The following MB21D2 variants were observed in gnomAD, a reference collection of about 807,000 sequenced individuals.
MB21D2 encodes Mab-21 domain containing 2.
MB21D2 carries 9 observed loss-of-function variants against 33.3 expected under a neutral mutation model. The ratio of observed to expected loss-of-function variants is 0.27; its 90% CI spans 0.16 to 0.47. The LOEUF is 0.47. MB21D2 is among the 20% of genes least tolerant of loss of function. MB21D2 has a pLI of 0.99. For missense variants in MB21D2, 540 were observed against 624.6 expected (o/e 0.86, Z 1.44); for synonymous variants, 241 against 236.3 (o/e 1.02, Z -0.18).
intron 1 of MB21D2, among the ~76,000 whole-genome samples, chr3:192,853,960 C>A (rs1428413176): frequency 6.6e-6 from 1 of 152,206 alleles, no homozygotes; most frequent in Non-Finnish European, 1.5e-5. Context: ...GTTCTGACTG[C>A]TCCACAACCA....
intron 1 of MB21D2, among the ~76,000 whole-genome samples, chr3:192,823,490 CCAAAACTA>C (rs201273270): frequency 0.012 from 1,880 of 152,194 alleles, 32 homozygotes; most frequent in African/African-American, 0.042. Context: ...CCCATTTCTA[CCAAAACTA>C]CAAAAAATTA....
chr3:192,859,144 C>A (rs961086089), intron 1 of MB21D2, among the ~76,000 whole-genome samples: 9 of 152,108 alleles, frequency 5.9e-5, no homozygotes, highest in Non-Finnish European at 1.3e-4. Context: ...CTGATCCATC[C>A]CTGAGCAGTA....
At chr3:192,867,222 C>T (rs1376139139) in intron 1 of MB21D2, among the ~76,000 whole-genome samples, 3 of 152,112 alleles carry the variant, frequency 2.0e-5, no homozygotes, top group African/African-American at 7.2e-5. Context: ...GACCTCCACA[C>T]ACCTCCCAGG....
intron 1 of MB21D2, among the ~76,000 whole-genome samples, chr3:192,882,037 C>T (rs1713607627): frequency 6.6e-6 from 1 of 152,122 alleles, no homozygotes; most frequent in South Asian, 2.1e-4. Context: ...GACGGAATAG[C>T]CTCTGAACTC....
chr3:192,860,041 C>A (rs1002650682), intron 1 of MB21D2, among the ~76,000 whole-genome samples: 2 of 152,200 alleles, frequency 1.3e-5, no homozygotes, highest in Non-Finnish European at 2.9e-5. Context: ...CTCAGGAGAC[C>A]ACCCTGGTGT....
chr3:192,849,070 T>C (rs2108628463), intron 1 of MB21D2, among the ~76,000 whole-genome samples: 1 of 152,180 alleles, frequency 6.6e-6, no homozygotes, highest in East Asian at 1.9e-4. Flanking sequence ...GTTATGAGAT[T>C]CTCAATGGGG....
intron 1 of MB21D2, among the ~76,000 whole-genome samples, chr3:192,839,422 C>T (rs1230210734): frequency 1.3e-5 from 2 of 152,138 alleles, no homozygotes; most frequent in East Asian, 1.9e-4. Context: ...ACTGGATGGG[C>T]CCTGTAAAAT....
chr3:192,852,973 T>G (rs1712839552), intron 1 of MB21D2, among the ~76,000 whole-genome samples: 1 of 152,184 alleles, frequency 6.6e-6, no homozygotes, highest in Non-Finnish European at 1.5e-5. Context: ...TTCTGTTAGC[T>G]ACTTTTCTTT....
intron 1 of MB21D2, among the ~76,000 whole-genome samples, chr3:192,899,032 G>A (rs1714037248): frequency 6.6e-6 from 1 of 152,212 alleles, no homozygotes; most frequent in African/African-American, 2.4e-5. Flanking sequence ...GAGGCAACAG[G>A]AAAAAGAGCA....
Position 192,904,136 on chromosome 3 carries a change from G to A in MB21D2, c.211+13494C>T, listed in dbSNP as rs564437783. 3.9e-4 allele frequency among the ~76,000 whole-genome samples: 59 copies of A among 152,218 alleles called. 1 individual carries two copies. The South Asian group carries it at 7.0e-3, about 18-fold the overall frequency. On this transcript the variant is annotated intron_variant, in intron 1 of 1. Coordinates refer to ENST00000392452, the MANE Select transcript of MB21D2 (RefSeq NM_178496.4). ...TAAAACCACACCTGGAACACGGTTC[G>A]CAATATTTTAGTGTGGTTATTATTA...
intron 1 of MB21D2, among the ~76,000 whole-genome samples, chr3:192,812,099 G>A (rs1452638094): frequency 6.6e-6 from 1 of 151,984 alleles, no homozygotes; most frequent in Non-Finnish European, 1.5e-5. Context: ...TCAGGCTGGA[G>A]GGTAGTGGCA....
At chr3:192,880,933 T>C (rs1268507043) in intron 1 of MB21D2, among the ~76,000 whole-genome samples, 1 of 152,088 alleles carries the variant, frequency 6.6e-6, no homozygotes, top group African/African-American at 2.4e-5. Flanking sequence ...CAAGAAAATT[T>C]TGCTCTTCCC....
In MB21D2 at chr3:192,797,428, C is replaced by CT. The variant is rs1224554767; in HGVS notation, c.*957dup. 6.6e-6 allele frequency: 1 copy of CT among 152,586 alleles called. No homozygotes were observed. Among genetic ancestry groups the CT allele is most frequent in the Non-Finnish European group, 1.5e-5 (1 of 68,024 alleles). The allele number at this position is 152,586 out of a possible 1,614,324, so 9.5% of individuals were successfully genotyped here. On this transcript the variant is annotated 3_prime_UTR_variant, in exon 2 of 2. Transcript: ENST00000392452. ...GTCAACATGTATAAAGCTTTAACAA[C>CT]TTCTCTCAGTAAGACAGGAACCAGG...
intron 1 of MB21D2, among the ~76,000 whole-genome samples, chr3:192,899,719 T>C (rs1474227558): frequency 1.4e-5 from 2 of 140,472 alleles, no homozygotes; most frequent in Non-Finnish European, 3.1e-5. Context: ...GAAGAAAACA[T>C]AGTCCAAAAA....
intron 1 of MB21D2, among the ~76,000 whole-genome samples, chr3:192,883,681 T>C (rs928032511): frequency 1.3e-5 from 2 of 152,064 alleles, no homozygotes; most frequent in South Asian, 2.1e-4. Context: ...GTGGGATCAG[T>C]AGACCAAAAG....
rs552297049 is a variant in MB21D2, at chr3:192,835,410, C to T, written c.212-35760G>A. On this transcript the variant is annotated intron_variant, in intron 1 of 1. Coordinates refer to ENST00000392452, the MANE Select transcript of MB21D2 (RefSeq NM_178496.4). ...GGTGGAGCTTGCAGTGAGCTGAAAT[C>T]GCACCACTGCACTCCAGCCTGGGCG... 5.0e-5 allele frequency among the ~76,000 whole-genome samples: 7 copies of T among 138,886 alleles called. No homozygotes were observed. The South Asian group carries it at 1.4e-3, about 28-fold the overall frequency. The allele number at this position is 138,886 out of a possible 152,430, so 91.1% of individuals were successfully genotyped here.
At chr3:192,824,476 C>G (rs1183582919) in intron 1 of MB21D2, among the ~76,000 whole-genome samples, 2 of 147,026 alleles carry the variant, frequency 1.4e-5, no homozygotes, top group South Asian at 4.5e-4. Context: ...TTAGCCATTA[C>G]ATGGTCTGAT....
intron 1 of MB21D2, among the ~76,000 whole-genome samples, chr3:192,849,079 G>A (rs1302906168): frequency 1.3e-5 from 2 of 152,052 alleles, no homozygotes; most frequent in Non-Finnish European, 2.9e-5. Flanking sequence ...TTCTCAATGG[G>A]GCAGCCCCCT....
At chr3:192,825,189 T>C (rs1227870944) in intron 1 of MB21D2, among the ~76,000 whole-genome samples, 1 of 152,214 alleles carries the variant, frequency 6.6e-6, no homozygotes, top group Non-Finnish European at 1.5e-5. Flanking sequence ...TCGCCCAGGC[T>C]GGGGTGCGGT....
Sources: allele counts gnomAD v4.1 joint callset (sites outside exome capture counted in the v4.1 genomes callset), GRCh38; gene constraint gnomAD v4.1.1; transcripts MANE v1.5; gene names NCBI Gene and HGNC (gene_info 2026-07-23, HGNC 2026-07-21).